DESI2: variants seen among roughly 807,000 people sequenced by gnomAD.
DESI2 encodes the protein deubiquitinase DESI2.
A neutral mutation model predicts 24.1 loss-of-function variants in DESI2; 10 were observed. The observed-to-expected ratio is 0.41, with a 90% CI of 0.26 to 0.70. The LOEUF (loss-of-function observed/expected upper bound fraction) is 0.70, where lower values mean the gene tolerates loss of function less well. Ranked by LOEUF, DESI2 falls within the 30% of genes least tolerant of loss-of-function variation. The pLI, the probability that DESI2 is intolerant of heterozygous loss-of-function variation, is 0.29. For synonymous variants in DESI2, 71 were observed against 87.7 expected, an observed-to-expected ratio of 0.81 and a Z score of 1.06; for missense variants, 122 against 234.9, an observed-to-expected ratio of 0.52 and a Z score of 3.14.
chr1:244,701,392 A>G (rs1440699123), intron 4 of DESI2, among the ~76,000 whole-genome samples: 1 of 152,168 alleles, frequency 6.6e-6, no homozygotes, highest in Non-Finnish European at 1.5e-5. Context: ...AGAGATCCAC[A>G]ATGTTTGGAG....
Position 244,706,313 on chromosome 1 carries a change from G to T in DESI2, c.*524G>T, listed in dbSNP as rs1677704298. On this transcript the variant is annotated 3_prime_UTR_variant, in exon 5 of 5. Coordinates refer to ENST00000302550, the MANE Select transcript of DESI2 (RefSeq NM_016076.5). Reference sequence around the variant, plus strand: ...GTTGGCACCAGGATGCAGAGAATCAGACTGGCCTGAGGTGAAGGAGCACAC... The same window carrying T: ...GTTGGCACCAGGATGCAGAGAATCATACTGGCCTGAGGTGAAGGAGCACAC... The T allele has an allele frequency of 2.4e-5, 4 of 163,942 alleles. No individual in the cohort carries two copies. Among genetic ancestry groups the T allele is most frequent in the Admixed American group, 1.8e-4 (3 of 16,948 alleles). 10.2% of individuals were successfully genotyped at this position (163,942 alleles called of 1,614,324 possible). A position where few individuals can be genotyped will look rare whatever the true frequency, so the allele number is the denominator to read the frequency against.
intron 4 of DESI2, among the ~76,000 whole-genome samples, chr1:244,697,235 C>T (rs897721399): frequency 3.9e-5 from 6 of 152,020 alleles, no homozygotes; most frequent in South Asian, 2.1e-4. Context: ...TGGCAAGGCA[C>T]GGTGGCTCAT....
At position 244,653,437 on chromosome 1, in the gene DESI2, C is replaced by A. The variant is rs957090346; in HGVS notation, c.42+82C>A. On this transcript the variant is annotated intron_variant, in intron 1 of 4. Transcript: ENST00000302550. ...GTGGGGCTCGGACCCCGGCCCCAGG[C>A]GCTTCCTGCCTGGCGTCTCCGCCTC... 815 of 1,411,244 alleles carry A rather than the reference C, an allele frequency of 5.8e-4. 5 individuals carry two copies. The highest frequency in any genetic ancestry group is 5.5e-4 in the Non-Finnish European group (574 of 1,053,040). 87.4% of individuals were successfully genotyped at this position (1,411,244 alleles called of 1,614,324 possible).
chr1:244,685,063 T>A (rs1387731547), intron 1 of DESI2, among the ~76,000 whole-genome samples: 1 of 152,234 alleles, frequency 6.6e-6, no homozygotes, highest in African/African-American at 2.4e-5. Context: ...TATATTCTCA[T>A]ATGAATCTTT....
Position 244,663,738 on chromosome 1 carries a change from G to T in DESI2, c.42+10383G>T, listed in dbSNP as rs539977390. Among the ~76,000 whole-genome samples, 3 of 152,078 alleles carry T rather than the reference G, an allele frequency of 2.0e-5. No individual in the cohort carries two copies. In the South Asian group the frequency reaches 6.2e-4, roughly 32 times the overall value. The stretch of plus-strand genomic sequence containing the variant: ...GGTTAAAAAATTATTCAAGAACTTG[G>T]CCGGGCACGGTGGCTCACGCCTGTA... On this transcript the variant is annotated intron_variant, in intron 1 of 4. Transcript: ENST00000302550.
rs961261420 is a variant in DESI2, at chr1:244,706,041, T to A, written c.*252T>A. The A allele has an allele frequency of 4.2e-6, 2 of 471,130 alleles. No homozygotes were observed. The highest frequency in any genetic ancestry group is 7.7e-6 in the Non-Finnish European group (2 of 260,470). The allele number at this position is 471,130 out of a possible 1,614,324, so 29.2% of individuals were successfully genotyped here. A position where few individuals can be genotyped will look rare whatever the true frequency, so the allele number is the denominator to read the frequency against. ...ATCTGGATTTATTTCTTCTGTTTTA[T>A]ACAAGCTCTGTTAAGTTATGTTTAC... On this transcript the variant is annotated 3_prime_UTR_variant, in exon 5 of 5. Transcript: ENST00000302550.
Position 244,653,275 on chromosome 1 carries a change from G to A in DESI2, c.-39G>A. ...AGCGGCCTCCGGCCCCGCGGAGACGGAGCGGCTTGAGGACGAGGCGGCGGC... is the reference window on the plus strand; with the variant it reads ...AGCGGCCTCCGGCCCCGCGGAGACGAAGCGGCTTGAGGACGAGGCGGCGGC... On this transcript the variant is annotated 5_prime_UTR_variant, in exon 1 of 5. Coordinates refer to ENST00000302550, the MANE Select transcript of DESI2 (RefSeq NM_016076.5). The A allele has an allele frequency of 1.4e-6, 2 of 1,472,614 alleles. No individual in the cohort carries two copies. The highest frequency in any genetic ancestry group is 1.8e-6 in the Non-Finnish European group (2 of 1,115,092). The allele number at this position is 1,472,614 out of a possible 1,614,324, so 91.2% of individuals were successfully genotyped here.
At position 244,705,863 on chromosome 1, in the gene DESI2, A is replaced by C; in HGVS notation, c.*74A>C. On this transcript the variant is annotated 3_prime_UTR_variant, in exon 5 of 5. Coordinates refer to ENST00000302550, the MANE Select transcript of DESI2 (RefSeq NM_016076.5). ...ACTAGAGAAAAGTAAACAGAGAAGC[A>C]TCCTTTAGATATTTTGTATGCAAAG... 1 of 1,048,438 alleles carries C rather than the reference A, an allele frequency of 9.5e-7. No individual in the cohort carries two copies. The highest frequency in any genetic ancestry group is 1.4e-6 in the Non-Finnish European group (1 of 721,440). 64.9% of individuals were successfully genotyped at this position (1,048,438 alleles called of 1,614,324 possible). A position where few individuals can be genotyped will look rare whatever the true frequency, so the allele number is the denominator to read the frequency against.
chr1:244,700,222 C>T (rs560970811), intron 4 of DESI2, among the ~76,000 whole-genome samples: 18 of 152,144 alleles, frequency 1.2e-4, no homozygotes, highest in African/African-American at 4.1e-4. Flanking sequence ...CATCAAACCT[C>T]GAGGTGGAAA....
Position 244,673,996 on chromosome 1 carries a change from T to C in DESI2, c.43-12601T>C, listed in dbSNP as rs1446318824. ...TTTACTTTACTTCTGTCTCTTTTTT[T>C]TTTTTTTTTTTTTTTTGAGACGGAG... On this transcript the variant is annotated intron_variant, in intron 1 of 4. Coordinates refer to ENST00000302550, the MANE Select transcript of DESI2 (RefSeq NM_016076.5). Among the ~76,000 whole-genome samples the C allele has an allele frequency of 3.5e-5, 5 of 142,570 alleles. No individual in the cohort carries two copies. The East Asian group carries it at 1.0e-3, about 29-fold the overall frequency. The allele number at this position is 142,570 out of a possible 152,430, so 93.5% of individuals were successfully genotyped here. A position where few individuals can be genotyped will look rare whatever the true frequency, so the allele number is the denominator to read the frequency against.
At chr1:244,655,775 C>T (rs1335174684) in intron 1 of DESI2, among the ~76,000 whole-genome samples, 1 of 152,166 alleles carries the variant, frequency 6.6e-6, no homozygotes, top group Non-Finnish European at 1.5e-5. Flanking sequence ...AGGGAAAGCG[C>T]AGGTGGGATT....
At chr1:244,704,620 TCTG>T (rs1185083411) in intron 4 of DESI2, among the ~76,000 whole-genome samples, 1 of 152,104 alleles carries the variant, frequency 6.6e-6, no homozygotes, top group Non-Finnish European at 1.5e-5. Context: ...TAGGCCTACT[TCTG>T]CAGAGGAGTC....
Position 244,653,280 on chromosome 1 carries a change from G to T in DESI2, c.-34G>T, listed in dbSNP as rs1675523886. Reference sequence around the variant, plus strand: ...CCTCCGGCCCCGCGGAGACGGAGCGGCTTGAGGACGAGGCGGCGGCCGCGG... The same window carrying T: ...CCTCCGGCCCCGCGGAGACGGAGCGTCTTGAGGACGAGGCGGCGGCCGCGG... On this transcript the variant is annotated 5_prime_UTR_variant, in exon 1 of 5. Transcript: ENST00000302550. The T allele has an allele frequency of 6.7e-7, 1 of 1,483,906 alleles. No individual in the cohort carries two copies. The highest frequency in any genetic ancestry group is 8.9e-7 in the Non-Finnish European group (1 of 1,121,528). 91.9% of individuals were successfully genotyped at this position (1,483,906 alleles called of 1,614,324 possible). A position where few individuals can be genotyped will look rare whatever the true frequency, so the allele number is the denominator to read the frequency against.
In DESI2 at chr1:244,689,355, G is replaced by T. The variant is rs914985618; in HGVS notation, c.209+13G>T. Reference sequence around the variant, plus strand: ...CATTTAAATTTAAGTAAGTAGGGAGGATAATTTTTATTACACTGTCTTAGG... The same window carrying T: ...CATTTAAATTTAAGTAAGTAGGGAGTATAATTTTTATTACACTGTCTTAGG... On this transcript the variant is annotated intron_variant, in intron 3 of 4. Coordinates refer to ENST00000302550, the MANE Select transcript of DESI2 (RefSeq NM_016076.5). This position sits in a 1 kb window ranked among gnomAD's most constrained non-coding sequence, Gnocchi z 4.0. 1.5e-6 allele frequency: 2 copies of T among 1,297,916 alleles called. No homozygotes were observed. The highest frequency in any genetic ancestry group is 2.2e-6 in the Non-Finnish European group (2 of 893,156). 80.4% of individuals were successfully genotyped at this position (1,297,916 alleles called of 1,614,324 possible).
chr1:244,692,846 A>G (rs890552552), intron 4 of DESI2, among the ~76,000 whole-genome samples: 4 of 152,202 alleles, frequency 2.6e-5, no homozygotes, highest in African/African-American at 9.7e-5. Flanking sequence ...TTTGTGAGAT[A>G]TGTATTATCT....
intron 2 of DESI2, among the ~76,000 whole-genome samples, chr1:244,687,513 G>A (rs958962863): frequency 1.3e-5 from 2 of 152,152 alleles, no homozygotes; most frequent in African/African-American, 4.8e-5. Flanking sequence ...GACCTCTTAA[G>A]AATATATTAT....
intron 1 of DESI2, among the ~76,000 whole-genome samples, chr1:244,654,280 C>T (rs1039498878): frequency 6.6e-6 from 1 of 152,214 alleles, no homozygotes; most frequent in Non-Finnish European, 1.5e-5. Context: ...GTACCTCTGA[C>T]TGCAGTGCTT....
intron 1 of DESI2, among the ~76,000 whole-genome samples, chr1:244,660,533 A>G (rs1441465767): frequency 6.6e-6 from 1 of 152,208 alleles, no homozygotes; most frequent in African/African-American, 2.4e-5. Flanking sequence ...CTACAAGATT[A>G]TTTGAATTCC....
intron 1 of DESI2, among the ~76,000 whole-genome samples, chr1:244,668,336 G>C (rs773916371): frequency 5.9e-5 from 9 of 152,164 alleles, no homozygotes; most frequent in Non-Finnish European, 1.2e-4. Context: ...GTACCAACAA[G>C]ACCTCATAAG....
Sources: allele counts gnomAD v4.1 joint callset (sites outside exome capture counted in the v4.1 genomes callset), GRCh38; gene constraint gnomAD v4.1.1; non-coding constraint Gnocchi (gnomAD v3.1); transcripts MANE v1.5; gene names NCBI Gene and HGNC (gene_info 2026-07-23, HGNC 2026-07-21).